The following KCNN2 variants were observed in gnomAD, a reference collection of about 807,000 sequenced individuals.
KCNN2 encodes small conductance calcium-activated potassium channel protein 2.
In KCNN2, 24 loss-of-function variants were observed where a neutral mutation model predicts 55.5. The observed-to-expected ratio is 0.43, with a 90% CI of 0.31 to 0.61. KCNN2 has a LOEUF of 0.61. KCNN2 is among the 20% of genes least tolerant of loss of function. The pLI is 0.08. For synonymous variants in KCNN2, 431 were observed against 336.1 expected (o/e 1.28, Z -3.09); for missense variants, 754 against 853.6 (o/e 0.88, Z 1.45).
At chr5:114,320,704 G>T (rs1237632283) in intron 2 of KCNN2, among the ~76,000 whole-genome samples, 1 of 152,108 alleles carries the variant, frequency 6.6e-6, no homozygotes, top group Non-Finnish European at 1.5e-5. Context: ...AGGTTTGGAG[G>T]GGTAGGGTGC....
At chr5:114,492,530 A>G (rs781671057) in intron 6 of KCNN2, among the ~76,000 whole-genome samples, 8 of 152,200 alleles carry the variant, frequency 5.3e-5, no homozygotes, top group Non-Finnish European at 1.0e-4. Flanking sequence ...CATAGTAAAC[A>G]CTGAATAAAT....
chr5:114,131,652 T>C (rs980232939), intron 1 of KCNN2, among the ~76,000 whole-genome samples: 2 of 152,224 alleles, frequency 1.3e-5, no homozygotes, highest in Non-Finnish European at 2.9e-5. Context: ...TACCCAGTAA[T>C]GGGATTGCTG....
At chr5:114,299,076 C>A (rs909885110) in intron 2 of KCNN2, among the ~76,000 whole-genome samples, 3 of 151,730 alleles carry the variant, frequency 2.0e-5, no homozygotes, top group African/African-American at 7.3e-5. Flanking sequence ...AGTAAGAAAC[C>A]CTTTCTCCCC....
At chr5:114,381,183 C>G (rs1322466390) in intron 2 of KCNN2, among the ~76,000 whole-genome samples, 3 of 152,136 alleles carry the variant, frequency 2.0e-5, no homozygotes, top group African/African-American at 4.8e-5. Context: ...TAAAGTTTTT[C>G]TGCTCTTTTT....
At chr5:114,182,100 CTT>C (rs1753251838) in intron 1 of KCNN2, among the ~76,000 whole-genome samples, 1 of 152,110 alleles carries the variant, frequency 6.6e-6, no homozygotes, top group Non-Finnish European at 1.5e-5. Flanking sequence ...TTTCAGGACT[CTT>C]TACTGAAAAC....
Position 114,306,998 on chromosome 5 carries a change from T to C in KCNN2, c.-184-53947T>C, listed in dbSNP as rs184465639. ...GGATTACAGGTATGAGCCACTTTAA[T>C]AAAGGGGCTTTAATAAAGGGGCTGT... On this transcript the variant is annotated intron_variant, in intron 2 of 10. Coordinates refer to the KCNN2 transcript ENST00000512097. Among the ~76,000 whole-genome samples, 643 of 152,164 alleles carry C rather than the reference T, an allele frequency of 4.2e-3. 1 individual carries two copies. Among genetic ancestry groups the C allele is most frequent in the Admixed American group, 9.0e-3 (137 of 15,280 alleles).
intron 1 of KCNN2, among the ~76,000 whole-genome samples, chr5:114,218,858 T>C (rs1005308530): frequency 3.9e-5 from 6 of 152,188 alleles, no homozygotes; most frequent in African/African-American, 1.4e-4. Context: ...TCAGTACCTT[T>C]GAAGCACGAT....
chr5:114,298,897 A>C (rs1370432942), intron 2 of KCNN2, among the ~76,000 whole-genome samples: 1 of 152,180 alleles, frequency 6.6e-6, no homozygotes, highest in Non-Finnish European at 1.5e-5. Flanking sequence ...ACAGGCTGGT[A>C]AGATACAGCC....
intron 2 of KCNN2, among the ~76,000 whole-genome samples, chr5:114,272,419 A>G (rs1358490860): frequency 5.8e-5 from 1 of 17,126 alleles, no homozygotes; most frequent in African/African-American, 1.0e-4. Context: ...ATATCTACAC[A>G]CATATGTACG....
chr5:114,056,633 G>C (rs760163329), intron 1 of KCNN2: 8 of 389,102 alleles, frequency 2.1e-5, no homozygotes, highest in Non-Finnish European at 3.6e-5. Context: ...CTTTTCTCCA[G>C]CACCCACTCA....
chr5:114,255,175 T>G (rs1367222341), intron 2 of KCNN2, among the ~76,000 whole-genome samples: 2 of 152,098 alleles, frequency 1.3e-5, no homozygotes, highest in Non-Finnish European at 2.9e-5. Context: ...AAGAGAAAAA[T>G]GCCAGATGTC....
At chr5:114,266,791 T>A (rs1249154178) in intron 2 of KCNN2, among the ~76,000 whole-genome samples, 2 of 152,168 alleles carry the variant, frequency 1.3e-5, no homozygotes, top group Non-Finnish European at 2.9e-5. Flanking sequence ...AATGTCCCCA[T>A]CAAAAGTACA....
intron 1 of KCNN2, among the ~76,000 whole-genome samples, chr5:114,109,646 T>C (rs1306909050): frequency 6.6e-6 from 1 of 152,032 alleles, no homozygotes; most frequent in Non-Finnish European, 1.5e-5. Context: ...GAACTCAGGT[T>C]TTGTAGTTAC....
chr5:114,368,149 G>A (rs1198301706), intron 2 of KCNN2, among the ~76,000 whole-genome samples: 6 of 151,962 alleles, frequency 3.9e-5, no homozygotes, highest in South Asian at 2.1e-4. Flanking sequence ...TCATACAGAC[G>A]GTTGACTTTT....
chr5:114,286,929 T>C (rs1189386838), intron 2 of KCNN2, among the ~76,000 whole-genome samples: 1 of 152,204 alleles, frequency 6.6e-6, no homozygotes, highest in Non-Finnish European at 1.5e-5. Context: ...CCAGCAATTA[T>C]AGATTTTGAA....
chr5:114,188,503 G>A (rs996997549), intron 1 of KCNN2, among the ~76,000 whole-genome samples: 5 of 152,056 alleles, frequency 3.3e-5, no homozygotes, highest in East Asian at 3.8e-4. Flanking sequence ...ATGAAAATAC[G>A]TAAGATATTT....
intron 5 of KCNN2, among the ~76,000 whole-genome samples, chr5:114,484,273 T>C (rs1762356166): frequency 6.6e-6 from 1 of 151,882 alleles, no homozygotes; most frequent in Non-Finnish European, 1.5e-5. Context: ...AACTAGATGG[T>C]TATATGGCAG....
intron 2 of KCNN2, among the ~76,000 whole-genome samples, chr5:114,231,787 C>T (rs1754367295): frequency 6.6e-6 from 1 of 150,610 alleles, no homozygotes; most frequent in Admixed American, 6.6e-5. Context: ...AAACTATGTC[C>T]ATCACTAGAT....
chr5:114,155,305 T>A (rs1752608011), intron 1 of KCNN2, among the ~76,000 whole-genome samples: 1 of 152,250 alleles, frequency 6.6e-6, no homozygotes, highest in Non-Finnish European at 1.5e-5. Context: ...GCATTTAGGT[T>A]GATTCTGTGT....
Sources: gnomAD v4.1 joint callset for allele counts (sites outside exome capture counted in the v4.1 genomes callset) on GRCh38, gnomAD v4.1.1 for gene constraint, MANE v1.5 for transcripts, NCBI Gene and HGNC (gene_info 2026-07-23, HGNC 2026-07-21) for gene names.